Variants in RPS6KA2 observed in about 807,000 individuals in gnomAD.
The protein encoded by RPS6KA2 is ribosomal protein S6 kinase alpha-2.
Under a neutral mutation model 91.8 loss-of-function variants are expected in RPS6KA2, and 42 were observed. That is an observed-to-expected ratio of 0.46 (90% CI 0.36 to 0.59). The LOEUF is 0.59. Ranked by LOEUF, RPS6KA2 falls within the 20% of genes least tolerant of loss-of-function variation. The pLI, the probability that RPS6KA2 is intolerant of heterozygous loss-of-function variation, is 0.00. For synonymous variants in RPS6KA2, 414 were observed against 393.6 expected (o/e 1.05, Z -0.61); for missense variants, 798 against 978.5 (o/e 0.82, Z 2.46).
intron 12 of RPS6KA2, among the ~76,000 whole-genome samples, chr6:166,455,720 A>G (rs2235291): frequency 0.33 from 50,800 of 152,152 alleles, 9,757 homozygotes; most frequent in East Asian, 0.52. Context: ...CCGCTCGAGG[A>G]GGAGGCGCTC....
At position 166,821,096 on chromosome 6, in the gene RPS6KA2, T is replaced by C. The variant is rs1306907684; in HGVS notation, c.123+37104A>G. 6.6e-6 allele frequency among the ~76,000 whole-genome samples: 1 copy of C among 152,204 alleles called. No individual in the cohort carries two copies. Among genetic ancestry groups the C allele is most frequent in the Non-Finnish European group, 1.5e-5 (1 of 68,036 alleles). On this transcript the variant is annotated intron_variant, in intron 2 of 21. Coordinates refer to the RPS6KA2 transcript ENST00000503859. The surrounding 1 kb of genome is among the most constrained non-coding windows in gnomAD (Gnocchi z 4.1). ...TTGGATATTGAATTAGGTTACCATA[T>C]TTTGTATCACACGCTAGGCACAGAG...
At chr6:166,862,156 C>G (rs774012087) in exon 1 of RPS6KA2, 1 of 1,614,240 alleles carries the variant, frequency 6.2e-7, no homozygotes, top group Admixed American at 1.7e-5. Flanking sequence ...GTTCCAGCAA[C>G]TGTGCGATTG....
chr6:166,827,467 T>A (rs1440619291), intron 2 of RPS6KA2, among the ~76,000 whole-genome samples: 1 of 152,212 alleles, frequency 6.6e-6, no homozygotes, highest in Non-Finnish European at 1.5e-5. Flanking sequence ...TAAACACCTC[T>A]GTCTTTATCT....
chr6:166,803,985 G>A (rs1779430137), intron 2 of RPS6KA2, among the ~76,000 whole-genome samples: 1 of 152,086 alleles, frequency 6.6e-6, no homozygotes. Context: ...TAATAATATT[G>A]CAAAAATACG....
intron 10 of RPS6KA2, among the ~76,000 whole-genome samples, chr6:166,477,065 T>C (rs1781004542): frequency 6.6e-6 from 1 of 152,152 alleles, no homozygotes; most frequent in Non-Finnish European, 1.5e-5. Context: ...CCTGTGCAGG[T>C]GAAGGTGACT....
chr6:166,775,596 C>T (rs539579284), intron 2 of RPS6KA2, among the ~76,000 whole-genome samples: 1 of 152,362 alleles, frequency 6.6e-6, no homozygotes, highest in Non-Finnish European at 1.5e-5. Context: ...TCCGCTGGTG[C>T]TCAGCTCTCC....
chr6:166,845,834 C>T (rs1780592923), intron 2 of RPS6KA2, among the ~76,000 whole-genome samples: 1 of 151,812 alleles, frequency 6.6e-6, no homozygotes, highest in Non-Finnish European at 1.5e-5. Flanking sequence ...AAAACCCAAA[C>T]CCAGCAGAAG....
rs747508240 is a variant in RPS6KA2 at position 166,713,518 on chromosome 6, C to T, written c.123+144682G>A. On this transcript the variant is annotated intron_variant, in intron 2 of 21. Transcript: ENST00000503859. ...CTGTTCTCCTTTTAAAGGACCAGTG[C>T]GTAGATATCTGGGTCACAGCCCTGG... Among the ~76,000 whole-genome samples the T allele has an allele frequency of 7.8e-4, 119 of 152,088 alleles. 4 individuals carry two copies. Among genetic ancestry groups the T allele is most frequent in the Non-Finnish European group, 2.2e-4 (15 of 68,018 alleles).
At chr6:166,582,268 G>A (rs890280406) in intron 1 of RPS6KA2, among the ~76,000 whole-genome samples, 11 of 152,188 alleles carry the variant, frequency 7.2e-5, no homozygotes, top group Non-Finnish European at 2.9e-5. Context: ...ACTGAAAGCC[G>A]CTGAGCCGTC....
chr6:166,554,924 C>A lies in RPS6KA2; in HGVS notation c.100-16140G>T, dbSNP rs77418699. 0.012 allele frequency among the ~76,000 whole-genome samples: 1,793 copies of A among 152,324 alleles called. 38 individuals carry two copies. Among genetic ancestry groups the A allele is most frequent in the African/African-American group, 0.04 (1,675 of 41,554 alleles). ...TTTACAAAACCTGATTTTGAGATGA[C>A]TTTAGGAAATTGTTGCTTCTATACT... On this transcript the variant is annotated intron_variant, in intron 1 of 20. Transcript: ENST00000265678. The surrounding 1 kb of genome is among the most constrained non-coding windows in gnomAD (Gnocchi z 4.3).
chr6:166,805,324 A>G (rs1052633331), intron 2 of RPS6KA2, among the ~76,000 whole-genome samples: 3 of 152,202 alleles, frequency 2.0e-5, no homozygotes, highest in African/African-American at 7.2e-5. Flanking sequence ...TTGCAGACAG[A>G]GAGGCTTGCT....
At chr6:166,637,986 G>A (rs899598273) in intron 2 of RPS6KA2, among the ~76,000 whole-genome samples, 1 of 152,258 alleles carries the variant, frequency 6.6e-6, no homozygotes, top group African/African-American at 2.4e-5. Flanking sequence ...AGGGGGCCGG[G>A]AGCGTGGGAA....
At chr6:166,748,641 C>CTCGGGCCCCCATTT (rs1791127045) in intron 2 of RPS6KA2, among the ~76,000 whole-genome samples, 3 of 34,572 alleles carry the variant, frequency 8.7e-5, no homozygotes, top group Admixed American at 2.7e-4. Context: ...GGCCCCCATC[C>CTCGGGCCCCCATTT]CCTTGGGCCC....
chr6:166,648,241 T>C lies in RPS6KA2; in HGVS notation c.124-109457A>G, dbSNP rs1787729463. Among the ~76,000 whole-genome samples the C allele has an allele frequency of 6.8e-6, 1 of 146,894 alleles. No individual in the cohort carries two copies. Among genetic ancestry groups the C allele is most frequent in the Non-Finnish European group, 1.5e-5 (1 of 66,658 alleles). Reference sequence around the variant, plus strand: ...ACACGCACATGCGCACACACACACATTCACACAGGCACACACACTCATGTT... The same window carrying C: ...ACACGCACATGCGCACACACACACACTCACACAGGCACACACACTCATGTT... On this transcript the variant is annotated intron_variant, in intron 2 of 21. Transcript: ENST00000503859. The surrounding 1 kb of genome is among the most constrained non-coding windows in gnomAD (Gnocchi z 4.8).
intron 2 of RPS6KA2, among the ~76,000 whole-genome samples, chr6:166,837,572 G>A (rs1562464797): frequency 6.6e-6 from 1 of 152,238 alleles, no homozygotes; most frequent in African/African-American, 2.4e-5. Flanking sequence ...AGGCTGCAGA[G>A]GACACTGGAG....
rs2128478230 is a variant in RPS6KA2, at chr6:166,500,912, A to G, written c.579T>C (p.Asp193=). ...CTGTGATCTTAATGTGCCCCTCTTCATCCAGGAGGATGCTAAAAGAAAGGG... is the reference window on the plus strand; with the variant it reads ...CTGTGATCTTAATGTGCCCCTCTTCGTCCAGGAGGATGCTAAAAGAAAGGG... ...RDLKPENILL[D]EEGHIKITDF... is the part of the protein sequence containing the mutation. The change falls in exon 7 of 21, where the codon GAT becomes GAC. Residue 193 remains aspartate, a synonymous_variant. Coordinates refer to ENST00000265678, the MANE Select transcript of RPS6KA2 (RefSeq NM_021135.6). This position sits in a 1 kb window ranked among gnomAD's most constrained non-coding sequence, Gnocchi z 4.3. 1 of 1,614,024 alleles carries G rather than the reference A, an allele frequency of 6.2e-7. No homozygotes were observed. The highest frequency in any genetic ancestry group is 8.5e-7 in the Non-Finnish European group (1 of 1,179,916).
At position 166,412,322 on chromosome 6, in the gene RPS6KA2, T is replaced by A. The variant is rs1187477531; in HGVS notation, c.*440A>T. The A allele has an allele frequency of 1.3e-5, 2 of 154,260 alleles. No homozygotes were observed. The highest frequency in any genetic ancestry group is 4.8e-5 in the African/African-American group (2 of 41,508). The allele number at this position is 154,260 out of a possible 1,614,324, so 9.6% of individuals were successfully genotyped here. A position where few individuals can be genotyped will look rare whatever the true frequency, so the allele number is the denominator to read the frequency against. ...AGGTCACCCCAGCCCTCTGGGGCCC[T>A]GCAACCACCAATGGCTGCGCCCTCG... On this transcript the variant is annotated 3_prime_UTR_variant, in exon 21 of 21. Transcript: ENST00000265678. This position sits in a 1 kb window ranked among gnomAD's most constrained non-coding sequence, Gnocchi z 4.3.
At chr6:166,761,769 T>C (rs1321842271) in intron 2 of RPS6KA2, among the ~76,000 whole-genome samples, 1 of 152,184 alleles carries the variant, frequency 6.6e-6, no homozygotes, top group East Asian at 1.9e-4. Context: ...CCTTTCCCCT[T>C]CCTAGGCCCC....
intron 14 of RPS6KA2, among the ~76,000 whole-genome samples, chr6:166,436,059 T>C (rs1262824147): frequency 2.6e-5 from 4 of 152,280 alleles, no homozygotes; most frequent in East Asian, 1.9e-4. Flanking sequence ...AACAAATTAA[T>C]ATGAATCGAT....
Sources: allele counts gnomAD v4.1 joint callset (sites outside exome capture counted in the v4.1 genomes callset), GRCh38; gene constraint gnomAD v4.1.1; non-coding constraint Gnocchi (gnomAD v3.1); transcripts MANE v1.5; gene names NCBI Gene and HGNC (gene_info 2026-07-23, HGNC 2026-07-21).